Variants in UBR4 observed in about 807,000 individuals in gnomAD.
UBR4 encodes ubiquitin protein ligase E3 component n-recognin 4, also known as E3 ubiquitin-protein ligase UBR4.
A neutral mutation model predicts 575.6 loss-of-function variants in UBR4; 124 were observed. That is an observed-to-expected ratio of 0.22 (90% CI 0.19 to 0.25). UBR4 has a LOEUF of 0.25. Among genes scored for constraint, UBR4 ranks in the 10% least tolerant of loss-of-function variants. The probability of loss-of-function intolerance (pLI) is 1.00; values close to 1 mark genes in which losing one functional copy is unlikely to be tolerated. For synonymous variants in UBR4, 2,455 were observed against 2,473.7 expected (o/e 0.99, Z 0.22); for missense variants, 4,818 against 6,478.8 (o/e 0.74, Z 8.80).
In UBR4 at chr1:19,084,814, A is replaced by G. The variant is rs11581925; in HGVS notation, c.14814-116T>C. ...GCCTGATGGCTGCAAAGGTTTGCAA[A>G]CGGAGACAAGAATACAAGGGAAAGT... On this transcript the variant is annotated intron_variant, in intron 101 of 105. Coordinates refer to ENST00000375254, the MANE Select transcript of UBR4 (RefSeq NM_020765.3). The G allele has an allele frequency of 6.8e-4, 687 of 1,006,176 alleles. 3 individuals are homozygous for G. The African/African-American group carries it at 0.011, about 15-fold the overall frequency. The allele number at this position is 1,006,176 out of a possible 1,614,324, so 62.3% of individuals were successfully genotyped here.
intron 5 of UBR4, 21 bp downstream of exon 5, chr1:19,198,520 C>T (rs1462042652): frequency 4.4e-6 from 7 of 1,606,542 alleles, no homozygotes; most frequent in Admixed American, 1.7e-5. Context: ...GAGAAGAAGA[C>T]ATTTGACTAA....
intron 60 of UBR4, among the ~76,000 whole-genome samples, chr1:19,132,053 A>G (rs895608454): frequency 2.0e-5 from 3 of 152,244 alleles, no homozygotes; most frequent in Non-Finnish European, 4.4e-5. Flanking sequence ...TTTAGAAAAT[A>G]ATTTGAATTG....
At chr1:19,197,467 A>G (rs4912054) in intron 7 of UBR4, among the ~76,000 whole-genome samples, 21,085 of 152,138 alleles carry the variant, frequency 0.14, 1,549 homozygotes, top group Middle Eastern at 0.19. Context: ...CGACTCTACA[A>G]AAAATACAAA....
chr1:19,112,900 A>T, intron 77 of UBR4, 33 bp from the exon 78 acceptor site: 1 of 1,518,808 alleles, frequency 6.6e-7, no homozygotes, highest in Non-Finnish European at 8.8e-7. Flanking sequence ...AATGGGAATT[A>T]GCAATTAAAA....
At chr1:19,130,191 G>T (rs1388242728) in intron 60 of UBR4, among the ~76,000 whole-genome samples, 1 of 152,100 alleles carries the variant, frequency 6.6e-6, no homozygotes, top group Non-Finnish European at 1.5e-5. Flanking sequence ...AAACTAGCCT[G>T]GGCAACAGAG....
intron 28 of UBR4, 69 bp from the exon 29 acceptor site, chr1:19,167,300 G>A (rs949073926): frequency 6.4e-7 from 1 of 1,554,290 alleles, no homozygotes; most frequent in African/African-American, 1.4e-5. Context: ...CAAGGACAGG[G>A]TAATTCAATT....
intron 60 of UBR4, among the ~76,000 whole-genome samples, chr1:19,136,205 G>GA (rs2083183014): frequency 6.6e-6 from 1 of 152,056 alleles, no homozygotes; most frequent in East Asian, 1.9e-4. Context: ...TATCGTTTAG[G>GA]AAAAAAATAA....
chr1:19,096,689 G>C (rs2078085496), intron 91 of UBR4, 39 bp from the exon 92 acceptor site: 1 of 1,610,076 alleles, frequency 6.2e-7, no homozygotes, highest in Admixed American at 1.7e-5. Context: ...TGGAGGGTAA[G>C]GTGAAGATGG....
intron 60 of UBR4, among the ~76,000 whole-genome samples, chr1:19,137,397 C>T (rs747477076): frequency 6.6e-6 from 1 of 152,016 alleles, no homozygotes; most frequent in East Asian, 1.9e-4. Flanking sequence ...GTCTTATTTT[C>T]AGGTTTTTCT....
At chr1:19,161,932 T>C in intron 35 of UBR4, 35 bp from the exon 36 acceptor site, 2 of 1,610,702 alleles carry the variant, frequency 1.2e-6, no homozygotes, top group Non-Finnish European at 1.7e-6. Context: ...ATTCGAAATA[T>C]ATCCCTGCAT....
In UBR4 at chr1:19,089,889, C is replaced by A. The variant is rs2077348104; in HGVS notation, c.14212-912G>T. On this transcript the variant is annotated intron_variant, in intron 97 of 105. Coordinates refer to ENST00000375254, the MANE Select transcript of UBR4 (RefSeq NM_020765.3). This position sits in a 1 kb window ranked among gnomAD's most constrained non-coding sequence, Gnocchi z 4.3. ...AAATGCTGAGCCCATATTTCAACTC[C>A]TACTGAGCTTTTCCACAGGTACCCC... 6.6e-6 allele frequency among the ~76,000 whole-genome samples: 1 copy of A among 152,232 alleles called. No individual in the cohort carries two copies. Among genetic ancestry groups the A allele is most frequent in the Admixed American group, 6.5e-5 (1 of 15,286 alleles).
chr1:19,170,678 G>C, intron 26 of UBR4, 84 bp downstream of exon 26: 1 of 1,579,832 alleles, frequency 6.3e-7, no homozygotes, highest in South Asian at 1.1e-5. Context: ...GTAAACGCCA[G>C]TAGGCACCAA....
chr1:19,150,596 T>C lies in UBR4; in HGVS notation c.7411A>G (p.Ser2471Gly). ...DSDSAAPTTT[S>G]GTVLERLVVS... ...TGGTACCTCTCCAGGACAGTTCCAC[T>C]GGTCGTAGTGGGGGCAGCTGAGTCG... The change falls in exon 49 of 106, where the codon AGT becomes GGT. Residue 2471 changes from serine (S) to glycine (G), a missense_variant. Ser to Gly is a moderately conservative substitution (Grantham distance 56, BLOSUM62 0). Around this residue, in one of 29 missense-constraint regions of UBR4, gnomAD observed 340 missense variants for 375.4 expected, o/e 0.91. Coordinates refer to ENST00000375254, the MANE Select transcript of UBR4 (RefSeq NM_020765.3). 1 of 1,613,416 alleles carries C rather than the reference T, an allele frequency of 6.2e-7. No individual in the cohort carries two copies. Among genetic ancestry groups the C allele is most frequent in the Non-Finnish European group, 8.5e-7 (1 of 1,180,018 alleles).
intron 94 of UBR4, 129 bp from the exon 95 acceptor site, chr1:19,094,268 G>A (rs952325104): frequency 6.4e-6 from 4 of 627,932 alleles, no homozygotes; most frequent in East Asian, 2.8e-5. Context: ...ACTATGTCTC[G>A]GCACTTCTTG....
chr1:19,162,013 C>G, intron 35 of UBR4, 116 bp from the exon 36 acceptor site: 2 of 1,165,168 alleles, frequency 1.7e-6, no homozygotes, highest in Non-Finnish European at 2.5e-6. Context: ...GCAAATGACC[C>G]GTGGAAATCT....
chr1:19,178,901 A>G, intron 18 of UBR4, 150 bp downstream of exon 18: 2 of 918,222 alleles, frequency 2.2e-6, no homozygotes, highest in Non-Finnish European at 3.3e-6. Flanking sequence ...TTTTAACAGC[A>G]CATCTCCAAG....
Position 19,140,814 on chromosome 1 carries a change from C to G in UBR4, c.8567G>C (p.Gly2856Ala), listed in dbSNP as rs779579247. Residue 2856 changes from glycine (G) to alanine (A), a missense_variant, in exon 58 of 106, where the codon GGA becomes GCA. By Grantham distance (60) the Gly-to-Ala change is moderately conservative (BLOSUM62 0). Coordinates refer to ENST00000375254, the MANE Select transcript of UBR4 (RefSeq NM_020765.3). ...QAPSSSSLDA[G>A]TLSDTTASAP... ...TGATGCTGTGGTGTCAGAGAGGGTT[C>G]CTGCGTCCAGAGAGGAAGAGCTGGG... is the stretch of plus-strand genomic sequence containing the variant. 1 of 1,613,336 alleles carries G rather than the reference C, an allele frequency of 6.2e-7. No homozygotes were observed. Among genetic ancestry groups the G allele is most frequent in the East Asian group, 2.2e-5 (1 of 44,880 alleles).
At chr1:19,194,900 C>G (rs1160307143) in intron 8 of UBR4, among the ~76,000 whole-genome samples, 1 of 151,756 alleles carries the variant, frequency 6.6e-6, no homozygotes, top group African/African-American at 2.4e-5. Context: ...ATCACTTGAG[C>G]CTAACAGTTC....
In UBR4 at chr1:19,076,647, C is replaced by T. The variant is rs571034707; in HGVS notation, c.15487+93G>A. ...CAGGCTGGTTCATACTGCGTTTCCTCTGGTCGTGAAGATAAAGCTACGGAT... is the reference window on the plus strand; with the variant it reads ...CAGGCTGGTTCATACTGCGTTTCCTTTGGTCGTGAAGATAAAGCTACGGAT... On this transcript the variant is annotated intron_variant, in intron 105 of 105. Coordinates refer to ENST00000375254, the MANE Select transcript of UBR4 (RefSeq NM_020765.3). 75 of 1,558,350 alleles carry T rather than the reference C, an allele frequency of 4.8e-5. 1 individual carries two copies. In the East Asian group the frequency reaches 1.6e-3, roughly 34 times the overall value.
Sources: allele counts gnomAD v4.1 joint callset (sites outside exome capture counted in the v4.1 genomes callset), GRCh38; gene constraint gnomAD v4.1.1; regional missense constraint gnomAD v4.1.1; non-coding constraint Gnocchi (gnomAD v3.1); transcripts MANE v1.5; gene names NCBI Gene and HGNC (gene_info 2026-07-23, HGNC 2026-07-21).